Variants in RANBP2 observed in about 807,000 individuals in gnomAD.
RANBP2 encodes the protein E3 SUMO-protein ligase RanBP2.
In RANBP2, 57 loss-of-function variants were observed where a neutral mutation model predicts 303.6. The observed-to-expected ratio is 0.19, with a 90% CI of 0.15 to 0.23. RANBP2 has a LOEUF of 0.23. Among genes scored for constraint, RANBP2 ranks in the 10% least tolerant of loss-of-function variants. The pLI is 1.00. For missense variants in RANBP2, 3,138 were observed against 3,780.8 expected, an observed-to-expected ratio of 0.83 and a Z score of 4.46; for synonymous variants, 1,167 against 1,301.5, an observed-to-expected ratio of 0.90 and a Z score of 2.23.
the RANBP2 span, among the ~76,000 whole-genome samples, chr2:109,716,099 T>C: frequency 6.6e-6 from 1 of 152,086 alleles, no homozygotes; most frequent in African/African-American, 2.4e-5. Flanking sequence ...AAAAGTGGGC[T>C]GGAGAAAGGA....
At chr2:108,990,815 C>A in the RANBP2 span, among the ~76,000 whole-genome samples, 1 of 152,102 alleles carries the variant, frequency 6.6e-6, no homozygotes, top group East Asian at 1.9e-4. Flanking sequence ...CCTGCTCATG[C>A]CGAGTTCAGA....
chr2:109,131,743 A>G, the RANBP2 span, among the ~76,000 whole-genome samples: 1 of 152,238 alleles, frequency 6.6e-6, no homozygotes, highest in Non-Finnish European at 1.5e-5. Flanking sequence ...ATTTAGTATT[A>G]GCAGGAAATT....
the RANBP2 span, among the ~76,000 whole-genome samples, chr2:109,065,535 A>G: frequency 3.3e-5 from 5 of 152,316 alleles, no homozygotes; most frequent in South Asian, 8.3e-4. Flanking sequence ...CGCAGCCCCA[A>G]GTGTCAGGGA....
the RANBP2 span, among the ~76,000 whole-genome samples, chr2:108,793,887 C>T: frequency 3.3e-5 from 5 of 151,896 alleles, no homozygotes; most frequent in Non-Finnish European, 4.4e-5. Context: ...TAGGCGTGAG[C>T]CACCGCGCCC....
At chr2:109,420,656 A>G in the RANBP2 span, among the ~76,000 whole-genome samples, 2 of 152,300 alleles carry the variant, frequency 1.3e-5, no homozygotes, top group Admixed American at 6.5e-5. Flanking sequence ...CGTGTTAGCC[A>G]GGATGGTCTC....
the RANBP2 span, among the ~76,000 whole-genome samples, chr2:109,036,003 A>G: frequency 6.6e-6 from 1 of 152,214 alleles, no homozygotes; most frequent in Non-Finnish European, 1.5e-5. Flanking sequence ...TTTCAAGTTG[A>G]AGATAGAACT....
the RANBP2 span, among the ~76,000 whole-genome samples, chr2:108,836,672 TACC>T: frequency 1.3e-5 from 2 of 152,242 alleles, no homozygotes; most frequent in African/African-American, 4.8e-5. Flanking sequence ...ACCTTGATAA[TACC>T]ATGTTTTCTA....
At chr2:109,339,087 A>T in the RANBP2 span, among the ~76,000 whole-genome samples, 1 of 152,204 alleles carries the variant, frequency 6.6e-6, no homozygotes, top group Admixed American at 6.5e-5. Context: ...CTACATCTTC[A>T]TCATCTTCAC....
the RANBP2 span, among the ~76,000 whole-genome samples, chr2:109,369,905 G>A: frequency 6.6e-6 from 1 of 152,214 alleles, no homozygotes; most frequent in African/African-American, 2.4e-5. Flanking sequence ...GCTGCTTTGT[G>A]TTACAGCATC....
chr2:109,252,694 T>A, the RANBP2 span, among the ~76,000 whole-genome samples: 2 of 152,208 alleles, frequency 1.3e-5, no homozygotes, highest in African/African-American at 4.8e-5. Flanking sequence ...CTAGCCTACT[T>A]TAAATGTACT....
chr2:109,006,653 G>T, the RANBP2 span, among the ~76,000 whole-genome samples: 1 of 152,162 alleles, frequency 6.6e-6, no homozygotes, highest in Non-Finnish European at 1.5e-5. Context: ...TGGGAACAAA[G>T]ACTAAATCCC....
the RANBP2 span, among the ~76,000 whole-genome samples, chr2:108,865,098 C>T: frequency 1.3e-5 from 2 of 151,990 alleles, no homozygotes; most frequent in African/African-American, 4.8e-5. Flanking sequence ...CACATTTTTA[C>T]TTTTTCCTTT....
At chr2:109,347,902 G>C in the RANBP2 span, 1 of 1,610,896 alleles carries the variant, frequency 6.2e-7, no homozygotes, top group Non-Finnish European at 8.5e-7. Context: ...TTATGATTTC[G>C]AGATGAAGGA....
At chr2:109,526,990 T>C in the RANBP2 span, among the ~76,000 whole-genome samples, 1 of 152,220 alleles carries the variant, frequency 6.6e-6, no homozygotes, top group Non-Finnish European at 1.5e-5. Flanking sequence ...CTAATGAGGA[T>C]AGTGCTTGCC....
chr2:109,354,806 A>G, the RANBP2 span, among the ~76,000 whole-genome samples: 1 of 152,254 alleles, frequency 6.6e-6, no homozygotes, highest in Non-Finnish European at 1.5e-5. Context: ...TGGAAGTGAA[A>G]ACACAGACTT....
At chr2:109,299,007 C>T in the RANBP2 span, among the ~76,000 whole-genome samples, 1 of 152,206 alleles carries the variant, frequency 6.6e-6, no homozygotes, top group Non-Finnish European at 1.5e-5. Flanking sequence ...CACCCACTGC[C>T]TCCCTGGTGA....
At chr2:109,433,264 A>G in the RANBP2 span, among the ~76,000 whole-genome samples, 4 of 152,272 alleles carry the variant, frequency 2.6e-5, no homozygotes. Context: ...ATATATGCAA[A>G]GGAAAAATGA....
the RANBP2 span, among the ~76,000 whole-genome samples, chr2:109,336,952 G>A: frequency 6.6e-6 from 1 of 152,266 alleles, no homozygotes; most frequent in Admixed American, 6.5e-5. Context: ...TCCTCTGTGG[G>A]CAGCAAATTG....
At chr2:109,035,769 G>C in the RANBP2 span, among the ~76,000 whole-genome samples, 1 of 152,208 alleles carries the variant, frequency 6.6e-6, no homozygotes, top group Non-Finnish European at 1.5e-5. Flanking sequence ...CACTCGAGCT[G>C]GGAGCTAATC....
Sources: gnomAD v4.1 joint callset for allele counts (sites outside exome capture counted in the v4.1 genomes callset) on GRCh38, gnomAD v4.1.1 for gene constraint, MANE v1.5 for transcripts, NCBI Gene and HGNC (gene_info 2026-07-23, HGNC 2026-07-21) for gene names.